PMEPA1: variants seen among roughly 807,000 people sequenced by gnomAD.
PMEPA1 encodes the protein protein TMEPAI.
In PMEPA1, 11 loss-of-function variants were observed where a neutral mutation model predicts 23.0. The observed-to-expected ratio is 0.48, with a 90% CI of 0.30 to 0.79. The LOEUF is 0.79. Among genes scored for constraint, PMEPA1 ranks in the 30% least tolerant of loss-of-function variants. The pLI, the probability that PMEPA1 is intolerant of heterozygous loss-of-function variation, is 0.06. For missense variants in PMEPA1, 377 were observed against 390.9 expected, an observed-to-expected ratio of 0.96 and a Z score of 0.30; for synonymous variants, 204 against 166.4, an observed-to-expected ratio of 1.23 and a Z score of -1.74.
At chr20:57,654,798 C>G (rs1009711484) in intron 2 of PMEPA1, among the ~76,000 whole-genome samples, 1 of 152,168 alleles carries the variant, frequency 6.6e-6, no homozygotes, top group Non-Finnish European at 1.5e-5. Flanking sequence ...GGAGGGCTGG[C>G]GAGCCTGCGT....
chr20:57,710,071 C>T, upstream of PMEPA1: 1 of 984,222 alleles, frequency 1.0e-6, no homozygotes, highest in Non-Finnish European at 1.2e-6. Context: ...GGAGGGGGCG[C>T]GCGCTGCGCC....
At chr20:57,710,175 G>T, upstream of PMEPA1, 3 of 541,522 alleles carry the variant, frequency 5.5e-6, no homozygotes, top group Non-Finnish European at 8.2e-6. Context: ...GAGCTAGGCG[G>T]CCCACGTAGA....
chr20:57,659,426 T>C, intron 2 of PMEPA1, 117 bp downstream of exon 2: 4 of 1,157,722 alleles, frequency 3.5e-6, no homozygotes, highest in Non-Finnish European at 4.8e-6. Context: ...CCAGCCCCTG[T>C]CTTCCTGCCC....
chr20:57,672,524 G>A (rs965947362), intron 1 of PMEPA1, among the ~76,000 whole-genome samples: 6 of 152,250 alleles, frequency 3.9e-5, no homozygotes, highest in African/African-American at 7.2e-5. Flanking sequence ...ATTGATGCCC[G>A]CCGCGTGCTG....
rs1480893682 is a variant in PMEPA1, at chr20:57,695,793, G to A, written c.109+13681C>T. Among the ~76,000 whole-genome samples, 9 of 152,240 alleles carry A rather than the reference G, an allele frequency of 5.9e-5. No homozygotes were observed. In the East Asian group the frequency reaches 9.7e-4, roughly 16 times the overall value. On this transcript the variant is annotated intron_variant, in intron 1 of 3. Transcript: ENST00000341744. ...AGCTTGGGGCTGAGGGCAGCTTAGCGGGCTTAACTCTGCCACACCCTGGAA... is the reference window on the plus strand; with the variant it reads ...AGCTTGGGGCTGAGGGCAGCTTAGCAGGCTTAACTCTGCCACACCCTGGAA...
chr20:57,674,117 T>C (rs753381546), intron 1 of PMEPA1, among the ~76,000 whole-genome samples: 8 of 152,084 alleles, frequency 5.3e-5, no homozygotes, highest in Non-Finnish European at 7.4e-5. Flanking sequence ...CTCCAACATA[T>C]GTTGAAGCCC....
intron 1 of PMEPA1, among the ~76,000 whole-genome samples, chr20:57,693,234 C>T (rs998319666): frequency 1.3e-5 from 2 of 152,182 alleles, no homozygotes; most frequent in Non-Finnish European, 2.9e-5. Flanking sequence ...GACAGGTAGT[C>T]AGGTAGGAGG....
intron 1 of PMEPA1, among the ~76,000 whole-genome samples, chr20:57,708,204 G>A (rs2072114100): frequency 2.0e-5 from 3 of 152,190 alleles, no homozygotes; most frequent in Admixed American, 1.3e-4. Flanking sequence ...ATTCCACAGC[G>A]GCTGCTTCTC....
At chr20:57,671,150 G>C (rs2071562456) in intron 1 of PMEPA1, among the ~76,000 whole-genome samples, 1 of 152,150 alleles carries the variant, frequency 6.6e-6, no homozygotes. Flanking sequence ...TGGGATTTTT[G>C]TTTCTATTGT....
intron 2 of PMEPA1, among the ~76,000 whole-genome samples, chr20:57,658,915 C>T (rs2071366261): frequency 6.6e-6 from 1 of 152,226 alleles, no homozygotes; most frequent in Non-Finnish European, 1.5e-5. Flanking sequence ...GGCCCCTCGT[C>T]TCCACCATCC....
Position 57,651,850 on chromosome 20 carries a change from T to G in PMEPA1, c.*203A>C. 2 of 378,390 alleles carry G rather than the reference T, an allele frequency of 5.3e-6. No homozygotes were observed. Among genetic ancestry groups the G allele is most frequent in the Non-Finnish European group, 9.0e-6 (2 of 221,456 alleles). The allele number at this position is 378,390 out of a possible 1,614,324, so 23.4% of individuals were successfully genotyped here. On this transcript the variant is annotated 3_prime_UTR_variant, in exon 4 of 4. Coordinates refer to ENST00000341744, the MANE Select transcript of PMEPA1 (RefSeq NM_020182.5). ...AAGAAACGTGGTTTTTTTTTTTCTTTTTTCTTTTTTTTTTTGCAAGCTCTC... is the reference window on the plus strand; with the variant it reads ...AAGAAACGTGGTTTTTTTTTTTCTTGTTTCTTTTTTTTTTTGCAAGCTCTC...
intron 1 of PMEPA1, among the ~76,000 whole-genome samples, chr20:57,688,907 G>C (rs1042431006): frequency 2.0e-5 from 3 of 152,188 alleles, no homozygotes; most frequent in Non-Finnish European, 4.4e-5. Flanking sequence ...TCCCTGAGCG[G>C]GTGGGGGTGG....
chr20:57,663,278 C>G lies in PMEPA1; in HGVS notation c.110-3581G>C, dbSNP rs967624740. On this transcript the variant is annotated intron_variant, in intron 1 of 3. Transcript: ENST00000341744. ...GGAGATGGAGATTTGCAAGGGTTGC[C>G]GAGACTACGGCTCAGGAGCACCCTG... 1.4e-4 allele frequency among the ~76,000 whole-genome samples: 22 copies of G among 152,246 alleles called. 1 individual carries two copies. Among genetic ancestry groups the G allele is most frequent in the Admixed American group, 1.3e-3 (20 of 15,304 alleles).
At chr20:57,690,536 G>C in intron 1 of PMEPA1, 1 of 1,295,572 alleles carries the variant, frequency 7.7e-7, no homozygotes, top group Admixed American at 2.3e-5. Context: ...AAAAAAGAAG[G>C]ATTAATTAAC....
rs1401869783 is a variant in PMEPA1 at position 57,652,204 on chromosome 20, T to C, written c.713A>G (p.His238Arg). The C allele has an allele frequency of 6.2e-7, 1 of 1,609,956 alleles. No individual in the cohort carries two copies. Among genetic ancestry groups the C allele is most frequent in the East Asian group, 2.2e-5 (1 of 44,840 alleles). ...GTGCTGGAAGGAGGACCCCGGGTAG[T>C]GGCCGATGACCTCGCTGTAGGTGGG... ...PPPTYSEVIG[H>R]YPGSSFQHQQ... is the part of the protein sequence containing the mutation. Residue 238 changes from histidine (H) to arginine (R), a missense_variant, in exon 4 of 4, where the codon CAC (histidine) becomes CGC (arginine). By Grantham distance (29) the His-to-Arg change is conservative (BLOSUM62 0). This residue lies in a region of PMEPA1 where 176 missense variants were observed against 173.0 expected (regional missense o/e 1.02). Coordinates refer to ENST00000341744, the MANE Select transcript of PMEPA1 (RefSeq NM_020182.5). The surrounding 1 kb of genome is among the most constrained non-coding windows in gnomAD (Gnocchi z 6.1).
At chr20:57,710,052 G>A, upstream of PMEPA1, 7 of 1,000,202 alleles carry the variant, frequency 7.0e-6, no homozygotes, top group Non-Finnish European at 8.3e-6. Context: ...CCCACCGCGC[G>A]GGGGCCGGGG....
chr20:57,690,616 C>A, intron 1 of PMEPA1: 1 of 1,218,658 alleles, frequency 8.2e-7, no homozygotes, highest in Admixed American at 2.9e-5. Context: ...GTGGCAGGGG[C>A]CTGGAGAGCA....
rs889602308 is a variant in PMEPA1, at chr20:57,704,366, C to T, written c.109+5108G>A. Reference sequence around the variant, plus strand: ...TGGCACAGCATGGTACCATCCTTGTCACTCCAGAGGGTGCATGAAGAGTAG... The same window carrying T: ...TGGCACAGCATGGTACCATCCTTGTTACTCCAGAGGGTGCATGAAGAGTAG... On this transcript the variant is annotated intron_variant, in intron 1 of 3. Transcript: ENST00000341744. This position sits in a 1 kb window ranked among gnomAD's most constrained non-coding sequence, Gnocchi z 4.6. 6.6e-6 allele frequency among the ~76,000 whole-genome samples: 1 copy of T among 152,212 alleles called. No individual in the cohort carries two copies. The highest frequency in any genetic ancestry group is 1.9e-4 in the East Asian group (1 of 5,198).
intron 1 of PMEPA1, among the ~76,000 whole-genome samples, chr20:57,669,381 G>A (rs1028823500): frequency 2.6e-5 from 4 of 152,056 alleles, no homozygotes; most frequent in East Asian, 1.9e-4. Context: ...GGCTGGTCTC[G>A]AACTCCTGAC....
Sources: allele counts gnomAD v4.1 joint callset (sites outside exome capture counted in the v4.1 genomes callset), GRCh38; gene constraint gnomAD v4.1.1; regional missense constraint gnomAD v4.1.1; non-coding constraint Gnocchi (gnomAD v3.1); transcripts MANE v1.5; gene names NCBI Gene and HGNC (gene_info 2026-07-23, HGNC 2026-07-21).